Variants in WDR36 observed in about 807,000 individuals in gnomAD.
WDR36 encodes WD repeat domain 36, also known as WD repeat-containing protein 36.
Under a neutral mutation model 112.7 loss-of-function variants are expected in WDR36, and 63 were observed. The ratio of observed to expected loss-of-function variants is 0.56; its 90% CI spans 0.46 to 0.69. WDR36 has a LOEUF of 0.69. Ranked by LOEUF, WDR36 falls within the 30% of genes least tolerant of loss-of-function variation. WDR36 has a pLI of 0.00. For missense variants in WDR36, 1,226 were observed against 1,070.3 expected, an observed-to-expected ratio of 1.15 and a Z score of -2.03; for synonymous variants, 410 against 362.2, an observed-to-expected ratio of 1.13 and a Z score of -1.50.
rs762653715 is a variant in WDR36, at chr5:111,104,221, G to A, written c.775G>A (p.Gly259Arg). ...AGCTGGAAGCCCATGTGGCCATATTGGACTCTGGGATCTAGAAGACAAAAA... is the reference window on the plus strand; with the variant it reads ...AGCTGGAAGCCCATGTGGCCATATTAGACTCTGGGATCTAGAAGACAAAAA... ...MAAGSPCGHI[G>R]LWDLEDKKLI... The change falls in exon 8 of 23, where the codon GGA (glycine) becomes AGA (arginine). Residue 259 changes from glycine to arginine, a missense_variant. Physicochemically the swap from Gly to Arg is moderately radical, Grantham distance 125 (BLOSUM62 -2). Transcript: ENST00000513710. The A allele has an allele frequency of 6.2e-7, 1 of 1,611,672 alleles. No individual in the cohort carries two copies. The highest frequency in any genetic ancestry group is 8.5e-7 in the Non-Finnish European group (1 of 1,178,426).
In WDR36 at chr5:111,110,925, C is replaced by G. The variant is rs1182306082; in HGVS notation, c.1579C>G (p.Pro527Ala). 3.7e-6 allele frequency: 6 copies of G among 1,611,190 alleles called. No individual in the cohort carries two copies. Among genetic ancestry groups the G allele is most frequent in the Non-Finnish European group, 5.1e-6 (6 of 1,178,428 alleles). Residue 527 changes from proline (P) to alanine (A), a missense_variant, in exon 14 of 23, where the codon CCA (proline) becomes GCA (alanine). By Grantham distance (27) the Pro-to-Ala change is conservative. Coordinates refer to ENST00000513710, the MANE Select transcript of WDR36 (RefSeq NM_139281.3). ...CCATTCTGTGAGCCTCAGTTCATCT[C>G]CAAATATCATGTTGCTACATAGGGA... ...LIHSVSLSSS[P>A]NIMLLHRDSG...
At chr5:111,098,968 C>CT in intron 4 of WDR36, 129 bp downstream of exon 4, 1 of 691,610 alleles carries the variant, frequency 1.4e-6, no homozygotes, top group South Asian at 1.7e-5. Context: ...AATCAAAAAT[C>CT]TTTAACGTGT....
Position 111,096,899 on chromosome 5 carries a change from G to T in WDR36, c.191-180G>T, listed in dbSNP as rs1201745435. On this transcript the variant is annotated intron_variant, in intron 2 of 22. Coordinates refer to ENST00000513710, the MANE Select transcript of WDR36 (RefSeq NM_139281.3). ...CAAGGTGATTTCCTATCCTTAGTTTGATAGTTACTATTAGATATCTAAAAT... is the reference window on the plus strand; with the variant it reads ...CAAGGTGATTTCCTATCCTTAGTTTTATAGTTACTATTAGATATCTAAAAT... The T allele has an allele frequency of 5.8e-6, 3 of 513,790 alleles. No individual in the cohort carries two copies. The East Asian group carries it at 1.0e-4, about 17-fold the overall frequency. 31.8% of individuals were successfully genotyped at this position (513,790 alleles called of 1,614,324 possible).
chr5:111,100,819 A>G (rs1753107501), intron 5 of WDR36, 98 bp downstream of exon 5: 3 of 1,268,136 alleles, frequency 2.4e-6, no homozygotes, highest in East Asian at 2.5e-5. Flanking sequence ...GCCCTTGTAT[A>G]TTTATTTGGA....
chr5:111,100,735 T>C lies in WDR36; in HGVS notation c.542+14T>C. On this transcript the variant is annotated intron_variant, in intron 5 of 22. Coordinates refer to ENST00000513710, the MANE Select transcript of WDR36 (RefSeq NM_139281.3). ...TGTAAAATCCAAGTAAGTATTTTAG[T>C]TAGAAAATAATATAGCTGTCACCTT... 4 of 1,605,916 alleles carry C rather than the reference T, an allele frequency of 2.5e-6. No homozygotes were observed. In the Middle Eastern group the frequency reaches 6.7e-4, roughly 270 times the overall value.
chr5:111,109,341 GAAAT>G (rs1464951478), intron 12 of WDR36, among the ~76,000 whole-genome samples: 3 of 151,206 alleles, frequency 2.0e-5, no homozygotes, highest in Non-Finnish European at 4.4e-5. Flanking sequence ...TTTTTTAAAA[GAAAT>G]CTTTATCTAG....
chr5:111,103,199 T>A (rs991667814), intron 6 of WDR36, among the ~76,000 whole-genome samples: 1 of 151,766 alleles, frequency 6.6e-6, no homozygotes, highest in Admixed American at 6.6e-5. Flanking sequence ...TATTGGACAT[T>A]GATCTTTGCT....
At chr5:111,105,909 CAG>C (rs1753214173) in intron 10 of WDR36, 146 bp from the exon 11 acceptor site, 2 of 635,838 alleles carry the variant, frequency 3.1e-6, no homozygotes, top group African/African-American at 3.7e-5. Context: ...TAAAAAATAA[CAG>C]TGGTAATAAC....
At chr5:111,107,533 A>G in intron 12 of WDR36, 94 bp downstream of exon 12, 1 of 1,500,796 alleles carries the variant, frequency 6.7e-7, no homozygotes. Context: ...TATTGACTGA[A>G]AAAACGTAGT....
rs1259810423 is a variant in WDR36 at position 111,105,358 on chromosome 5, A to G, written c.1091A>G (p.His364Arg). The G allele has an allele frequency of 7.5e-6, 12 of 1,609,430 alleles. No homozygotes were observed. The highest frequency in any genetic ancestry group is 1.3e-5 in the African/African-American group (1 of 74,656). ...GAAAAATTCAATAAGAGCTTGGGAC[A>G]TGGTAGGTCCTCTACAAGACAAAAT... ...VHEKFNKSLGHGLINKKRVKR... is the reference protein window; with the variant it reads ...VHEKFNKSLGRGLINKKRVKR... The change falls in exon 10 of 23, where the codon CAT (histidine) becomes CGT (arginine). Residue 364 changes from histidine (H) to arginine (R), a missense_variant and splice_region_variant. Coordinates refer to ENST00000513710, the MANE Select transcript of WDR36 (RefSeq NM_139281.3).
intron 19 of WDR36, 98 bp from the exon 20 acceptor site, chr5:111,123,707 T>A (rs1753616541): frequency 1.4e-6 from 2 of 1,465,656 alleles, no homozygotes; most frequent in South Asian, 2.4e-5. Flanking sequence ...ATTCCTCTTT[T>A]ACTTTTTGGT....
chr5:111,113,045 T>TA (rs2112580752), intron 15 of WDR36, 29 bp from the exon 16 acceptor site: 1 of 427,768 alleles, frequency 2.3e-6, no homozygotes, highest in African/African-American at 4.3e-5. Flanking sequence ...AATATATATA[T>TA]ATATATATTT....
chr5:111,094,858 G>A (rs377135374), intron 1 of WDR36, 62 bp from the exon 2 acceptor site: 2 of 1,322,822 alleles, frequency 1.5e-6, no homozygotes, highest in African/African-American at 1.4e-5. Context: ...TAATCTTCAG[G>A]TGTTAGGTTA....
In WDR36 at chr5:111,103,816, C is replaced by T. The variant is rs1157117591; in HGVS notation, c.628C>T (p.Leu210Phe). The change falls in exon 7 of 23, where the codon CTT (leucine) becomes TTT (phenylalanine). Residue 210 changes from leucine to phenylalanine, a missense_variant. By Grantham distance (22) the Leu-to-Phe change is conservative. Coordinates refer to ENST00000513710, the MANE Select transcript of WDR36 (RefSeq NM_139281.3). ...AGCCGTGGATGTTGTTGCTATTGGT[C>T]TTATGTCAGGTCAAGTTATCATTCA... ...APAVDVVAIGLMSGQVIIHNI... is the reference protein window; with the variant it reads ...APAVDVVAIGFMSGQVIIHNI... 6.2e-7 allele frequency: 1 copy of T among 1,611,172 alleles called. No individual in the cohort carries two copies. The highest frequency in any genetic ancestry group is 2.2e-5 in the East Asian group (1 of 44,788).
intron 1 of WDR36, among the ~76,000 whole-genome samples, 181 bp downstream of exon 1, chr5:111,092,799 C>G (rs972009787): frequency 6.6e-6 from 1 of 152,272 alleles, no homozygotes; most frequent in Non-Finnish European, 1.5e-5. Flanking sequence ...ACTTGCAGTC[C>G]TCCTGGGGCG....
At chr5:111,109,236 T>A (rs1415006110) in intron 12 of WDR36, among the ~76,000 whole-genome samples, 4 of 151,372 alleles carry the variant, frequency 2.6e-5, no homozygotes, top group Non-Finnish European at 5.9e-5. Flanking sequence ...GCATAAACAT[T>A]TATGAATTTT....
At chr5:111,094,702 A>G (rs1368716187) in intron 1 of WDR36, among the ~76,000 whole-genome samples, 1 of 152,216 alleles carries the variant, frequency 6.6e-6, no homozygotes, top group East Asian at 1.9e-4. Context: ...TTGGCCCATT[A>G]TAGAAAACAT....
Position 111,111,166 on chromosome 5 carries a change from C to G in WDR36, c.1608-4C>G. 1.2e-6 allele frequency: 2 copies of G among 1,610,888 alleles called. No homozygotes were observed. The highest frequency in any genetic ancestry group is 1.7e-6 in the Non-Finnish European group (2 of 1,177,434). The stretch of plus-strand genomic sequence containing the variant: ...TATTAAAACTGGTGCATTTATCTTG[C>G]TAGTGGCATTCTGGGACTCGCCTTG... On this transcript the variant is annotated splice_region_variant and splice_polypyrimidine_tract_variant and intron_variant, in intron 14 of 22. Coordinates refer to ENST00000513710, the MANE Select transcript of WDR36 (RefSeq NM_139281.3).
chr5:111,100,719 C>G lies in WDR36; in HGVS notation c.540C>G (p.Ser180=). The change falls in exon 5 of 23, where the codon TCC becomes TCG. Residue 180 remains serine, a splice_region_variant and synonymous_variant. Transcript: ENST00000513710. ...GCCTGCAGTTGTGGAATGTAAAATC[C>G]AAGTAAGTATTTTAGTTAGAAAATA... The part of the protein sequence containing the change: ...QGSLQLWNVK[S]NKLLYTFPGW... 1 of 1,607,902 alleles carries G rather than the reference C, an allele frequency of 6.2e-7. No homozygotes were observed. Among genetic ancestry groups the G allele is most frequent in the Non-Finnish European group, 8.5e-7 (1 of 1,176,016 alleles).
Sources: allele counts gnomAD v4.1 joint callset (sites outside exome capture counted in the v4.1 genomes callset), GRCh38; gene constraint gnomAD v4.1.1; transcripts MANE v1.5; gene names NCBI Gene and HGNC (gene_info 2026-07-23, HGNC 2026-07-21).